CPXM2: variants seen among roughly 807,000 people sequenced by gnomAD.
CPXM2 encodes inactive carboxypeptidase-like protein X2.
Under a neutral mutation model 86.1 loss-of-function variants are expected in CPXM2, and 66 were observed. That is an observed-to-expected ratio of 0.77 (90% confidence interval 0.63 to 0.94). CPXM2 has a LOEUF of 0.94. Among genes scored for constraint, CPXM2 ranks in the 40% least tolerant of loss-of-function variants. The pLI is 0.00. For missense variants in CPXM2, 948 were observed against 1,026.3 expected (o/e 0.92, Z 1.04); for synonymous variants, 388 against 400.2 (o/e 0.97, Z 0.36).
intron 7 of CPXM2, among the ~76,000 whole-genome samples, chr10:123,773,708 G>A (rs1280498646): frequency 2.6e-5 from 4 of 152,194 alleles, no homozygotes; most frequent in African/African-American, 9.7e-5. Context: ...AGAGCATTGG[G>A]TCACCATGAC....
intron 2 of CPXM2, among the ~76,000 whole-genome samples, chr10:123,929,308 G>A (rs1025228001): frequency 2.0e-5 from 3 of 152,220 alleles, no homozygotes; most frequent in African/African-American, 4.8e-5. Context: ...CCGGGCCCAT[G>A]GGAGGGCACT....
intron 2 of CPXM2, among the ~76,000 whole-genome samples, chr10:123,923,389 G>A (rs1435896531): frequency 6.7e-6 from 1 of 148,312 alleles, no homozygotes; most frequent in Non-Finnish European, 1.5e-5. Flanking sequence ...GACCATCCTG[G>A]CTAACACAGT....
In CPXM2 at chr10:123,746,839, C is replaced by T; in HGVS notation, c.2196G>A (p.Lys732=). The change falls in exon 14 of 14, where the codon AAG becomes AAA. Residue 732 remains lysine (K), a synonymous_variant. Transcript: ENST00000241305. ...GCAGGCTGACGGGCTGCTTCCCAAA[C>T]TTCTCCATGATCTCTCGGATCCTGG... ...NMARIREIME[K]FGKQPVSLPA... 3 of 1,614,232 alleles carry T rather than the reference C, an allele frequency of 1.9e-6. No homozygotes were observed. The highest frequency in any genetic ancestry group is 1.1e-5 in the South Asian group (1 of 91,080).
chr10:123,872,981 C>A (rs1944917723), intron 2 of CPXM2, among the ~76,000 whole-genome samples: 1 of 150,904 alleles, frequency 6.6e-6, no homozygotes, highest in Non-Finnish European at 1.5e-5. Flanking sequence ...TTAAATAAGG[C>A]CAAATAGCAA....
chr10:123,870,592 C>A (rs1944878291), intron 2 of CPXM2, among the ~76,000 whole-genome samples: 1 of 152,226 alleles, frequency 6.6e-6, no homozygotes, highest in Non-Finnish European at 1.5e-5. Flanking sequence ...AGCTCTCTGC[C>A]TTTCTCAGAT....
At chr10:123,760,272 T>G (rs1341813236) in intron 11 of CPXM2, among the ~76,000 whole-genome samples, 1 of 152,148 alleles carries the variant, frequency 6.6e-6, no homozygotes, top group Non-Finnish European at 1.5e-5. Context: ...TAAACAGGTA[T>G]TTTACTTAAA....
intron 2 of CPXM2, among the ~76,000 whole-genome samples, chr10:123,866,227 C>T (rs756789710): frequency 1.3e-5 from 2 of 152,146 alleles, no homozygotes; most frequent in African/African-American, 4.8e-5. Flanking sequence ...TGAGGTGTCA[C>T]AGGCACCGTC....
At chr10:123,753,729 G>C (rs1187698285) in intron 13 of CPXM2, among the ~76,000 whole-genome samples, 9 of 152,140 alleles carry the variant, frequency 5.9e-5, no homozygotes, top group Admixed American at 3.9e-4. Context: ...ATAAAACCCT[G>C]GGTCTTACAA....
chr10:123,927,895 A>G (rs1945637665), intron 2 of CPXM2, among the ~76,000 whole-genome samples: 1 of 151,850 alleles, frequency 6.6e-6, no homozygotes. Flanking sequence ...TTCTCCAGGA[A>G]CCCCCCAGTG....
intron 9 of CPXM2, among the ~76,000 whole-genome samples, chr10:123,767,750 C>A (rs1239465354): frequency 1.3e-5 from 2 of 152,148 alleles, no homozygotes; most frequent in Non-Finnish European, 1.5e-5. Context: ...TGTACATATG[C>A]ATATTCTATG....
chr10:123,802,651 G>A (rs539470707), intron 4 of CPXM2, among the ~76,000 whole-genome samples: 1 of 152,262 alleles, frequency 6.6e-6, no homozygotes, highest in Admixed American at 6.5e-5. Flanking sequence ...ACAAAATTCT[G>A]TTTGGTGTAT....
chr10:123,790,131 T>C (rs1432814641), intron 6 of CPXM2, among the ~76,000 whole-genome samples: 1 of 151,398 alleles, frequency 6.6e-6, no homozygotes, highest in African/African-American at 2.4e-5. Context: ...AAAAAATTAA[T>C]AAATAAAAAA....
At chr10:123,807,408 T>A (rs767883252) in intron 4 of CPXM2, among the ~76,000 whole-genome samples, 1 of 152,168 alleles carries the variant, frequency 6.6e-6, no homozygotes, top group African/African-American at 2.4e-5. Context: ...GAGGACTGAA[T>A]TGTGTCTTAA....
At chr10:123,874,632 T>A (rs1338847233) in intron 2 of CPXM2, among the ~76,000 whole-genome samples, 1 of 152,192 alleles carries the variant, frequency 6.6e-6, no homozygotes, top group Non-Finnish European at 1.5e-5. Flanking sequence ...TTCTGTTAAA[T>A]CCATCCAAGA....
chr10:123,769,880 G>T (rs1174360609), intron 8 of CPXM2, among the ~76,000 whole-genome samples: 1 of 152,230 alleles, frequency 6.6e-6, no homozygotes, highest in Non-Finnish European at 1.5e-5. Flanking sequence ...GCATTTATCA[G>T]TGCTGGGCTC....
chr10:123,836,883 T>TCCC (rs145936611), intron 4 of CPXM2, among the ~76,000 whole-genome samples: 2 of 149,752 alleles, frequency 1.3e-5, no homozygotes, highest in Non-Finnish European at 1.5e-5. Context: ...ACCTGGATCT[T>TCCC]CCCCCCAGGT....
intron 11 of CPXM2, 60 bp downstream of exon 11, chr10:123,761,812 G>A: frequency 1.3e-6 from 2 of 1,526,030 alleles, no homozygotes; most frequent in Non-Finnish European, 1.8e-6. Flanking sequence ...AGGGCCAGGA[G>A]GAGACCCCTG....
chr10:123,883,570 C>A (rs1945129716), intron 1 of CPXM2, among the ~76,000 whole-genome samples: 1 of 152,250 alleles, frequency 6.6e-6, no homozygotes, highest in South Asian at 2.1e-4. Flanking sequence ...TCACCCATCA[C>A]AAAAAGCTAT....
At chr10:123,861,647 A>G (rs1157403653) in intron 3 of CPXM2, among the ~76,000 whole-genome samples, 2 of 152,200 alleles carry the variant, frequency 1.3e-5, no homozygotes, top group Non-Finnish European at 2.9e-5. Context: ...AGGCAGTCAC[A>G]TGAAGACTCC....
Sources: allele counts gnomAD v4.1 joint callset (sites outside exome capture counted in the v4.1 genomes callset), GRCh38; gene constraint gnomAD v4.1.1; transcripts MANE v1.5; gene names NCBI Gene and HGNC (gene_info 2026-07-23, HGNC 2026-07-21).